The following CYP4A22 variants were observed in gnomAD, a reference collection of about 807,000 sequenced individuals.
CYP4A22 encodes the protein cytochrome P450 4A22.
A neutral mutation model predicts 56.2 loss-of-function variants in CYP4A22; 46 were observed. The ratio of observed to expected loss-of-function variants is 0.82; its 90% CI spans 0.65 to 1.05. CYP4A22 has a LOEUF of 1.05. CYP4A22 is among the 50% of genes least tolerant of loss of function. The pLI is 0.00. For synonymous variants in CYP4A22, 193 were observed against 251.1 expected, an observed-to-expected ratio of 0.77 and a Z score of 2.19; for missense variants, 541 against 645.9, an observed-to-expected ratio of 0.84 and a Z score of 1.76.
At chr1:47,146,770 T>G (rs1645080698) in intron 11 of CYP4A22, 1 of 989,298 alleles carries the variant, frequency 1.0e-6, no homozygotes, top group Non-Finnish European at 1.2e-6. Flanking sequence ...CATTTTTACT[T>G]CATTATATAG....
intron 11 of CYP4A22, among the ~76,000 whole-genome samples, 182 bp from the exon 12 acceptor site, chr1:47,148,420 T>A (rs11211467): frequency 0.14 from 21,582 of 151,628 alleles, 1,615 homozygotes; most frequent in South Asian, 0.25. Context: ...CTGTCCAAGG[T>A]TTGGGACAGT....
rs180918178 is a variant in CYP4A22 at position 47,148,828 on chromosome 1, C to A, written c.*31C>A. 15 of 1,570,612 alleles carry A rather than the reference C, an allele frequency of 9.6e-6. No individual in the cohort carries two copies. Among genetic ancestry groups the A allele is most frequent in the Admixed American group, 3.5e-5 (2 of 56,728 alleles). The stretch of plus-strand genomic sequence containing the variant: ...TCCACCTGCCATCCTGTCTTCCTGA[C>A]CCCCACTCCTATCTCCTGCCTGTCT... On this transcript the variant is annotated 3_prime_UTR_variant, in exon 12 of 12. Transcript: ENST00000371891.
intron 6 of CYP4A22, among the ~76,000 whole-genome samples, 171 bp from the exon 7 acceptor site, chr1:47,144,186 G>C (rs921437147): frequency 6.6e-6 from 1 of 152,200 alleles, no homozygotes; most frequent in African/African-American, 2.4e-5. Context: ...CCACTGGTGG[G>C]AGGGGTGCCC....
intron 11 of CYP4A22, 163 bp downstream of exon 11, chr1:47,146,316 A>T (rs575981235): frequency 1.3e-6 from 2 of 1,523,274 alleles, no homozygotes; most frequent in African/African-American, 2.8e-5. Context: ...GTCTCTGTGT[A>T]CAAAAGGAAG....
rs976418678 is a variant in CYP4A22, at chr1:47,147,487, T to C, written c.1365-1115T>C. 18 of 928,748 alleles carry C rather than the reference T, an allele frequency of 1.9e-5. No individual in the cohort carries two copies. The African/African-American group carries it at 2.7e-4, about 14-fold the overall frequency. 57.5% of individuals were successfully genotyped at this position (928,748 alleles called of 1,614,324 possible). A position where few individuals can be genotyped will look rare whatever the true frequency, so the allele number is the denominator to read the frequency against. ...CAAAAATGTGTTGTACAGAAATATATCCTGTGCTCCAGACACACATCGTTC... is the reference window on the plus strand; with the variant it reads ...CAAAAATGTGTTGTACAGAAATATACCCTGTGCTCCAGACACACATCGTTC... On this transcript the variant is annotated intron_variant, in intron 11 of 11. Coordinates refer to ENST00000371891, the MANE Select transcript of CYP4A22 (RefSeq NM_001010969.4).
chr1:47,145,510 G>A (rs1304395911), intron 9 of CYP4A22, among the ~76,000 whole-genome samples: 1 of 152,226 alleles, frequency 6.6e-6, no homozygotes, highest in East Asian at 1.9e-4. Flanking sequence ...CCTGAAAACT[G>A]AGAGCAAAAG....
At position 47,144,989 on chromosome 1, in the gene CYP4A22, C is replaced by G. The variant is rs1236780377; in HGVS notation, c.1222+19C>G. The G allele has an allele frequency of 1.2e-6, 2 of 1,613,860 alleles. No homozygotes were observed. Among genetic ancestry groups the G allele is most frequent in the East Asian group, 2.2e-5 (1 of 44,862 alleles). On this transcript the variant is annotated intron_variant, in intron 9 of 11. Coordinates refer to ENST00000371891, the MANE Select transcript of CYP4A22 (RefSeq NM_001010969.4). ...CCCAAAGGTATGAAGTTTCCCCACCCTCTCACCCAAAGTCTCCACGGGGAC... is the reference window on the plus strand; with the variant it reads ...CCCAAAGGTATGAAGTTTCCCCACCGTCTCACCCAAAGTCTCCACGGGGAC...
rs780404999 is a variant in CYP4A22, at chr1:47,145,900, C to A, written c.1257C>A (p.His419Gln). ...IMVLLSIYGL[H>Q]HNPKVWPNLE... is the part of the protein sequence containing the mutation. ...TCCTCCTCTCCATTTATGGCCTTCA[C>A]CACAACCCAAAAGTGTGGCCCAACC... is the stretch of plus-strand genomic sequence containing the variant. Residue 419 changes from histidine (H) to glutamine (Q), a missense_variant, in exon 10 of 12, where the codon CAC becomes CAA. Transcript: ENST00000371891. The A allele has an allele frequency of 1.4e-5, 23 of 1,614,040 alleles. No homozygotes were observed. The highest frequency in any genetic ancestry group is 1.7e-5 in the Non-Finnish European group (20 of 1,180,032).
Position 47,149,310 on chromosome 1 carries a change from A to T in CYP4A22, c.*513A>T, listed in dbSNP as rs1422186706. The T allele has an allele frequency of 6.4e-6, 1 of 155,638 alleles. No individual in the cohort carries two copies. The highest frequency in any genetic ancestry group is 1.4e-5 in the Non-Finnish European group (1 of 70,550). 9.6% of individuals were successfully genotyped at this position (155,638 alleles called of 1,614,324 possible). A position where few individuals can be genotyped will look rare whatever the true frequency, so the allele number is the denominator to read the frequency against. Reference sequence around the variant, plus strand: ...GAGTTAAAAGAACCTGCTCTCCATTATCTCAAGTAACAGAGCAGATGCTAA... The same window carrying T: ...GAGTTAAAAGAACCTGCTCTCCATTTTCTCAAGTAACAGAGCAGATGCTAA... On this transcript the variant is annotated 3_prime_UTR_variant, in exon 12 of 12. Transcript: ENST00000371891.
chr1:47,142,069 T>C (rs1165425320), intron 3 of CYP4A22, 39 bp from the exon 4 acceptor site: 3 of 1,588,424 alleles, frequency 1.9e-6, no homozygotes, highest in African/African-American at 1.3e-5. Context: ...CCGTGCAGCC[T>C]CTGATACACA....
At chr1:47,142,561 T>G (rs1289143755) in intron 4 of CYP4A22, among the ~76,000 whole-genome samples, 2 of 152,238 alleles carry the variant, frequency 1.3e-5, no homozygotes, top group African/African-American at 4.8e-5. Flanking sequence ...CTTCCTATGC[T>G]GGCTGGCCTG....
intron 11 of CYP4A22, among the ~76,000 whole-genome samples, chr1:47,147,559 T>G (rs1569817981): frequency 6.6e-6 from 1 of 152,186 alleles, no homozygotes; most frequent in Admixed American, 6.5e-5. Context: ...GCTTGTTGAG[T>G]GTCCCTGTCC....
chr1:47,140,405 T>C (rs1644994734), intron 1 of CYP4A22, among the ~76,000 whole-genome samples: 1 of 152,254 alleles, frequency 6.6e-6, no homozygotes, highest in Non-Finnish European at 1.5e-5. Flanking sequence ...TATTGTGTAA[T>C]TTAAAATGTT....
At position 47,149,155 on chromosome 1, in the gene CYP4A22, A is replaced by G. The variant is rs1396522475; in HGVS notation, c.*358A>G. On this transcript the variant is annotated 3_prime_UTR_variant, in exon 12 of 12. Transcript: ENST00000371891. The stretch of plus-strand genomic sequence containing the variant: ...TGCTGAAGGGTGGAAGGCTACCCTG[A>G]CGCACCATAATCTAAGCCCGGGGCA... The G allele has an allele frequency of 2.7e-5, 5 of 184,920 alleles. No homozygotes were observed. 11.5% of individuals were successfully genotyped at this position (184,920 alleles called of 1,614,324 possible). A position where few individuals can be genotyped will look rare whatever the true frequency, so the allele number is the denominator to read the frequency against.
rs1245883076 is a variant in CYP4A22 at position 47,137,633 on chromosome 1, C to G, written c.148C>G (p.Gln50Glu). Residue 50 changes from glutamine to glutamate, a missense_variant, in exon 1 of 12, where the codon CAG (glutamine) becomes GAG (glutamate). Physicochemically the swap from Gln to Glu is conservative, Grantham distance 29 (BLOSUM62 2). Around this residue, in one of 3 missense-constraint regions of CYP4A22, gnomAD observed 335 missense variants for 361.2 expected, o/e 0.93. Coordinates refer to ENST00000371891, the MANE Select transcript of CYP4A22 (RefSeq NM_001010969.4). ...HRQWLLKALQ[Q>E]FPCPPSHWLF... The stretch of plus-strand genomic sequence containing the variant: ...GCAGTGGCTGCTCAAAGCCCTCCAG[C>G]AGTTCCCGTGCCCTCCCTCCCACTG... The G allele has an allele frequency of 1.9e-6, 3 of 1,613,910 alleles. No homozygotes were observed. The highest frequency in any genetic ancestry group is 2.7e-5 in the African/African-American group (2 of 74,944).
intron 11 of CYP4A22, among the ~76,000 whole-genome samples, chr1:47,148,131 C>T (rs1326369049): frequency 2.0e-5 from 3 of 152,140 alleles, no homozygotes; most frequent in East Asian, 1.9e-4. Flanking sequence ...ATACACCCAT[C>T]GGGGACCCCC....
At chr1:47,147,240 T>C in intron 11 of CYP4A22, 5 of 985,468 alleles carry the variant, frequency 5.1e-6, no homozygotes, top group Non-Finnish European at 6.0e-6. Context: ...AGGAAGTCCT[T>C]GTAAACATTG....
At chr1:47,147,350 T>C (rs1645087692) in intron 11 of CYP4A22, 2 of 984,996 alleles carry the variant, frequency 2.0e-6, no homozygotes, top group Non-Finnish European at 2.4e-6. Flanking sequence ...TTTCATTCTA[T>C]TTTATTCATT....
At position 47,144,421 on chromosome 1, in the gene CYP4A22, G is replaced by A. The variant is rs2148557910; in HGVS notation, c.855G>A (p.Arg285=). 6.2e-7 allele frequency: 1 copy of A among 1,613,952 alleles called. No individual in the cohort carries two copies. Among genetic ancestry groups the A allele is most frequent in the Admixed American group, 1.7e-5 (1 of 60,014 alleles). Residue 285 remains arginine, a synonymous_variant, in exon 7 of 12, where the codon AGG becomes AGA. Transcript: ENST00000371891. The stretch of plus-strand genomic sequence containing the variant: ...AGGGGGAGCTGGAGAAGATCAAGAG[G>A]AAGAGGCACTTGGATTTTCTGGACA... ...QKEGELEKIK[R]KRHLDFLDIL...
Sources: allele counts gnomAD v4.1 joint callset (sites outside exome capture counted in the v4.1 genomes callset), GRCh38; gene constraint gnomAD v4.1.1; regional missense constraint gnomAD v4.1.1; transcripts MANE v1.5; gene names NCBI Gene and HGNC (gene_info 2026-07-23, HGNC 2026-07-21).